The following DPP6 variants were observed in gnomAD, a reference collection of about 807,000 sequenced individuals.
DPP6 encodes A-type potassium channel modulatory protein DPP6.
A neutral mutation model predicts 122.6 loss-of-function variants in DPP6; 69 were observed. That is an observed-to-expected ratio of 0.56 (90% CI 0.46 to 0.69). The LOEUF is 0.69. Among genes scored for constraint, DPP6 ranks in the 30% least tolerant of loss-of-function variants. The pLI, the probability that DPP6 is intolerant of heterozygous loss-of-function variation, is 0.00. For synonymous variants in DPP6, 418 were observed against 433.1 expected, an observed-to-expected ratio of 0.97 and a Z score of 0.43; for missense variants, 928 against 1,116.9, an observed-to-expected ratio of 0.83 and a Z score of 2.41.
Position 154,713,926 on chromosome 7 carries a change from T to G in DPP6, c.763-13841T>G, listed in dbSNP as rs187113999. ...TCATCAGATGGCAAATTTTCTAAAC[T>G]TTTATTCTCTGCTTCTTCCTGAACA... On this transcript the variant is annotated intron_variant, in intron 7 of 25. Coordinates refer to ENST00000377770, the MANE Select transcript of DPP6 (RefSeq NM_130797.4). 3.1e-3 allele frequency among the ~76,000 whole-genome samples: 466 copies of G among 152,344 alleles called. 6 individuals are homozygous for G. The highest frequency in any genetic ancestry group is 0.011 in the African/African-American group (446 of 41,588).
At chr7:154,140,434 C>T (rs1404577249) in intron 1 of DPP6, among the ~76,000 whole-genome samples, 1 of 152,100 alleles carries the variant, frequency 6.6e-6, no homozygotes, top group African/African-American at 2.4e-5. Context: ...AACCATGGAG[C>T]TTCTCTTAGG....
At chr7:154,203,046 G>C (rs571312237) in intron 1 of DPP6, among the ~76,000 whole-genome samples, 47 of 152,256 alleles carry the variant, frequency 3.1e-4, no homozygotes, top group Admixed American at 1.2e-3. Context: ...TGATTTTGCC[G>C]CTTACTAGGT....
the DPP6 span, among the ~76,000 whole-genome samples, chr7:153,757,194 A>G: frequency 2.4e-4 from 37 of 152,200 alleles, no homozygotes; most frequent in East Asian, 5.8e-4. Context: ...AGTTTGTATT[A>G]TTTTCCTATT....
chr7:154,467,308 C>T (rs903745613), intron 2 of DPP6, among the ~76,000 whole-genome samples: 6 of 152,126 alleles, frequency 3.9e-5, no homozygotes, highest in African/African-American at 1.4e-4. Context: ...ACCCAAATCT[C>T]ATGTCAAATT....
At chr7:154,538,050 A>C (rs953267611) in intron 3 of DPP6, among the ~76,000 whole-genome samples, 2 of 152,140 alleles carry the variant, frequency 1.3e-5, no homozygotes, top group African/African-American at 4.8e-5. Context: ...GCAAAAAAAA[A>C]CTAAACAACA....
chr7:153,866,397 T>G, the DPP6 span, among the ~76,000 whole-genome samples: 1 of 152,234 alleles, frequency 6.6e-6, no homozygotes, highest in Non-Finnish European at 1.5e-5. Flanking sequence ...ATTTCTCTGA[T>G]GGCCAGTGAT....
At position 154,606,877 on chromosome 7, in the gene DPP6, C is replaced by T. The variant is rs1313850625; in HGVS notation, c.628-30944C>T. Among the ~76,000 whole-genome samples, 4 of 121,296 alleles carry T rather than the reference C, an allele frequency of 3.3e-5. 2 individuals carry two copies. The highest frequency in any genetic ancestry group is 7.4e-5 in the Non-Finnish European group (4 of 53,866). 79.6% of individuals were successfully genotyped at this position (121,296 alleles called of 152,430 possible). A position where few individuals can be genotyped will look rare whatever the true frequency, so the allele number is the denominator to read the frequency against. ...ATCAAAACTTTTATACACACACATA[C>T]TTATAGACTGTACATGGCAGCATTC... On this transcript the variant is annotated intron_variant, in intron 5 of 25. Transcript: ENST00000377770.
intron 16 of DPP6, among the ~76,000 whole-genome samples, chr7:154,822,015 T>C (rs914594738): frequency 5.9e-5 from 9 of 152,144 alleles, no homozygotes; most frequent in Non-Finnish European, 1.3e-4. Context: ...AGCAACTTAT[T>C]TAAATATCTG....
chr7:154,044,191 G>T (rs1384513691), intron 1 of DPP6, among the ~76,000 whole-genome samples: 2 of 152,200 alleles, frequency 1.3e-5, no homozygotes, highest in Non-Finnish European at 2.9e-5. Flanking sequence ...ATTGTTGAGA[G>T]AATTACTTTT....
intron 1 of DPP6, among the ~76,000 whole-genome samples, chr7:154,185,566 A>G (rs1314375289): frequency 2.0e-5 from 3 of 152,180 alleles, no homozygotes; most frequent in Non-Finnish European, 2.9e-5. Flanking sequence ...TTGGTTGAAC[A>G]TTTTATGATT....
intron 19 of DPP6, among the ~76,000 whole-genome samples, chr7:154,874,438 G>C (rs998171249): frequency 3.9e-5 from 6 of 152,192 alleles, no homozygotes; most frequent in Admixed American, 2.6e-4. Flanking sequence ...AGCTTGCCTT[G>C]GAGGCTGTGT....
chr7:153,786,982 C>T, the DPP6 span, among the ~76,000 whole-genome samples: 3 of 145,714 alleles, frequency 2.1e-5, no homozygotes, highest in African/African-American at 7.6e-5. Context: ...TATGGACTCT[C>T]GCTCTGTCGC....
chr7:154,434,311 G>A (rs930777343), intron 1 of DPP6, among the ~76,000 whole-genome samples: 4 of 152,144 alleles, frequency 2.6e-5, no homozygotes, highest in Admixed American at 1.3e-4. Flanking sequence ...CCCTAAGCCC[G>A]TATTTTCTCC....
At chr7:153,755,926 A>C in the DPP6 span, among the ~76,000 whole-genome samples, 1 of 152,168 alleles carries the variant, frequency 6.6e-6, no homozygotes, top group Non-Finnish European at 1.5e-5. Flanking sequence ...TGGCAAACTC[A>C]TGCAAGGCTT....
chr7:154,587,537 C>T (rs748583749), intron 5 of DPP6: 8 of 1,130,146 alleles, frequency 7.1e-6, no homozygotes, highest in Non-Finnish European at 3.7e-6. Flanking sequence ...GAACATTGCC[C>T]ATTGATTTTT....
chr7:154,061,682 TG>T (rs1801929493), intron 1 of DPP6, among the ~76,000 whole-genome samples: 1 of 131,992 alleles, frequency 7.6e-6, no homozygotes, highest in Non-Finnish European at 1.6e-5. Context: ...CCCTGGCTCT[TG>T]GGACCACCAT....
chr7:154,451,351 C>A (rs1418518609), intron 2 of DPP6, among the ~76,000 whole-genome samples: 4 of 123,346 alleles, frequency 3.2e-5, no homozygotes, highest in African/African-American at 1.0e-4. Context: ...AGAGCAAGAG[C>A]CTGTCTCACC....
intron 6 of DPP6, among the ~76,000 whole-genome samples, chr7:154,648,932 AAAT>A (rs1393703003): frequency 3.7e-4 from 50 of 135,236 alleles, no homozygotes; most frequent in African/African-American, 1.3e-3. Context: ...AAAAAAAAAA[AAAT>A]ACACTTTTTA....
chr7:153,816,739 G>A, the DPP6 span, among the ~76,000 whole-genome samples: 95,022 of 151,024 alleles, frequency 0.63, 29,915 homozygotes, highest in South Asian at 0.69. Flanking sequence ...TCAGAGCACA[G>A]GTGAGACCCA....
Sources: gnomAD v4.1 joint callset for allele counts (sites outside exome capture counted in the v4.1 genomes callset) on GRCh38, gnomAD v4.1.1 for gene constraint, MANE v1.5 for transcripts, NCBI Gene and HGNC (gene_info 2026-07-23, HGNC 2026-07-21) for gene names.